Variants in GMDS observed in about 807,000 individuals in gnomAD.
The protein encoded by GMDS is GDP-mannose 4,6 dehydratase.
A neutral mutation model predicts 49.9 loss-of-function variants in GMDS; 20 were observed. The ratio of observed to expected loss-of-function variants is 0.40; its 90% CI spans 0.28 to 0.58. The LOEUF (loss-of-function observed/expected upper bound fraction) is 0.58, where lower values mean the gene tolerates loss of function less well. Among genes scored for constraint, GMDS ranks in the 20% least tolerant of loss-of-function variants. GMDS has a pLI of 0.42. For missense variants in GMDS, 362 were observed against 481.4 expected, an observed-to-expected ratio of 0.75 and a Z score of 2.32; for synonymous variants, 177 against 178.6, an observed-to-expected ratio of 0.99 and a Z score of 0.07.
intron 4 of GMDS, among the ~76,000 whole-genome samples, chr6:2,113,461 C>G (rs941260709): frequency 2.0e-5 from 3 of 151,914 alleles, no homozygotes; most frequent in African/African-American, 7.3e-5. Flanking sequence ...TTACCTCACA[C>G]TTCTCCTCAT....
chr6:1,685,493 T>A (rs1246146285), intron 9 of GMDS, among the ~76,000 whole-genome samples: 1 of 152,168 alleles, frequency 6.6e-6, no homozygotes, highest in Non-Finnish European at 1.5e-5. Context: ...GGTTTTTTTT[T>A]AATTAAAAAA....
intron 9 of GMDS, among the ~76,000 whole-genome samples, chr6:1,643,506 G>A (rs1763396354): frequency 6.6e-6 from 1 of 152,190 alleles, no homozygotes; most frequent in Non-Finnish European, 1.5e-5. Flanking sequence ...CCTTTTAGTA[G>A]AGTAGGATGT....
At chr6:2,108,199 A>C (rs1394919017) in intron 4 of GMDS, among the ~76,000 whole-genome samples, 2 of 152,230 alleles carry the variant, frequency 1.3e-5, no homozygotes, top group African/African-American at 4.8e-5. Flanking sequence ...GTTAATTCAC[A>C]TTATACTTAT....
At chr6:2,183,590 TA>T (rs1199181002) in intron 1 of GMDS, among the ~76,000 whole-genome samples, 3 of 152,252 alleles carry the variant, frequency 2.0e-5, no homozygotes, top group Non-Finnish European at 4.4e-5. Flanking sequence ...ACTTAGTTGA[TA>T]AATTTAGCAG....
chr6:1,979,953 A>G (rs554565905), intron 4 of GMDS, among the ~76,000 whole-genome samples: 3 of 152,356 alleles, frequency 2.0e-5, no homozygotes, highest in South Asian at 4.1e-4. Flanking sequence ...ACTAAGCTTC[A>G]TAAGTGAAGG....
At chr6:1,900,061 A>G (rs1760421567) in intron 7 of GMDS, among the ~76,000 whole-genome samples, 1 of 152,234 alleles carries the variant, frequency 6.6e-6, no homozygotes, top group Admixed American at 6.5e-5. Flanking sequence ...CTCTGAGTCA[A>G]CGTTCAAGGC....
chr6:2,058,876 T>C (rs476594), intron 4 of GMDS, among the ~76,000 whole-genome samples: 92,673 of 151,942 alleles, frequency 0.61, 28,480 homozygotes, highest in East Asian at 0.7. Flanking sequence ...AAATTGCTGG[T>C]AGTGACGTCC....
chr6:1,787,287 C>T (rs542177783), intron 7 of GMDS, among the ~76,000 whole-genome samples: 2 of 152,232 alleles, frequency 1.3e-5, no homozygotes, highest in South Asian at 2.1e-4. Flanking sequence ...GTATAAAGGA[C>T]CAGCTAGGAT....
chr6:1,639,095 A>G (rs749284032), intron 9 of GMDS, among the ~76,000 whole-genome samples: 5 of 152,172 alleles, frequency 3.3e-5, no homozygotes, highest in Non-Finnish European at 7.4e-5. Flanking sequence ...AGGGCAGGCT[A>G]GCAGATAAGG....
At chr6:1,782,074 G>C (rs1003215848) in intron 7 of GMDS, among the ~76,000 whole-genome samples, 1 of 152,132 alleles carries the variant, frequency 6.6e-6, no homozygotes, top group Non-Finnish European at 1.5e-5. Flanking sequence ...TTTATGATGA[G>C]TAAAATTAAT....
At chr6:1,787,356 C>A (rs2113626748) in intron 7 of GMDS, among the ~76,000 whole-genome samples, 1 of 152,312 alleles carries the variant, frequency 6.6e-6, no homozygotes, top group South Asian at 2.1e-4. Context: ...GCTGCCACTG[C>A]TGTTTTATTT....
chr6:1,974,939 G>A (rs1026663991), intron 4 of GMDS, among the ~76,000 whole-genome samples: 1 of 151,678 alleles, frequency 6.6e-6, no homozygotes, highest in East Asian at 1.9e-4. Flanking sequence ...TTGGGAGGCT[G>A]AGGCAGGAGA....
chr6:1,776,399 T>C (rs549820386), intron 7 of GMDS, among the ~76,000 whole-genome samples: 2 of 152,236 alleles, frequency 1.3e-5, no homozygotes, highest in Admixed American at 1.3e-4. Context: ...CAAAAAATGG[T>C]CTGTGGGGCC....
At chr6:1,832,640 A>T (rs907000457) in intron 7 of GMDS, among the ~76,000 whole-genome samples, 2 of 152,176 alleles carry the variant, frequency 1.3e-5, no homozygotes, top group African/African-American at 4.8e-5. Flanking sequence ...AGGTAAAGGT[A>T]AGCCAGAGCC....
chr6:2,177,587 A>G (rs1778341555), intron 1 of GMDS, among the ~76,000 whole-genome samples: 1 of 152,234 alleles, frequency 6.6e-6, no homozygotes, highest in African/African-American at 2.4e-5. Context: ...AATTAAAAAC[A>G]AAAACCACAT....
intron 9 of GMDS, among the ~76,000 whole-genome samples, chr6:1,681,582 G>C (rs1334118813): frequency 6.6e-6 from 1 of 152,304 alleles, no homozygotes; most frequent in Non-Finnish European, 1.5e-5. Flanking sequence ...GCCTCCGGTG[G>C]AGAGTGGCAT....
At chr6:1,910,003 T>G (rs2113874371) in intron 7 of GMDS, among the ~76,000 whole-genome samples, 1 of 152,306 alleles carries the variant, frequency 6.6e-6, no homozygotes, top group South Asian at 2.1e-4. Flanking sequence ...AAGTATAAAA[T>G]GTACACTGGA....
chr6:2,076,907 AAAT>A (rs1406979403), intron 4 of GMDS, among the ~76,000 whole-genome samples: 1 of 152,234 alleles, frequency 6.6e-6, no homozygotes, highest in Non-Finnish European at 1.5e-5. Flanking sequence ...CAAAATTGAC[AAAT>A]GCTATAAATT....
intron 1 of GMDS, among the ~76,000 whole-genome samples, chr6:2,182,667 A>T (rs1778606131): frequency 6.6e-6 from 1 of 152,238 alleles, no homozygotes; most frequent in South Asian, 2.1e-4. Context: ...AAATTGGTTT[A>T]CTGAATATTT....
Sources: allele counts gnomAD v4.1 joint callset (sites outside exome capture counted in the v4.1 genomes callset), GRCh38; gene constraint gnomAD v4.1.1; transcripts MANE v1.5; gene names NCBI Gene and HGNC (gene_info 2026-07-23, HGNC 2026-07-21).